The following IRAK3 variants were observed in gnomAD, a reference collection of about 807,000 sequenced individuals.
The protein encoded by IRAK3 is interleukin-1 receptor-associated kinase 3.
In IRAK3, 57 loss-of-function variants were observed where a neutral mutation model predicts 56.6. The observed-to-expected ratio is 1.01, with a 90% CI of 0.81 to 1.26. IRAK3 has a LOEUF of 1.26. Among genes scored for constraint, IRAK3 ranks in the 50% most tolerant of loss-of-function variants. The probability of loss-of-function intolerance (pLI) is 0.00; values close to 1 mark genes in which losing one functional copy is unlikely to be tolerated. For missense variants in IRAK3, 703 were observed against 719.0 expected, an observed-to-expected ratio of 0.98 and a Z score of 0.25; for synonymous variants, 258 against 255.7, an observed-to-expected ratio of 1.01 and a Z score of -0.09.
At position 66,239,786 on chromosome 12, in the gene IRAK3, C is replaced by T. The variant is rs368911283; in HGVS notation, c.888-4700C>T. The stretch of plus-strand genomic sequence containing the variant: ...TAAATATGACATAAATTAAAATTTC[C>T]CCTATTAATTCTATTTGCCACCACT... On this transcript the variant is annotated intron_variant, in intron 8 of 11. Transcript: ENST00000261233. Among the ~76,000 whole-genome samples, 27 of 152,168 alleles carry T rather than the reference C, an allele frequency of 1.8e-4. No homozygotes were observed. The South Asian group carries it at 4.4e-3, about 25-fold the overall frequency.
At chr12:66,196,906 G>A in intron 1 of IRAK3, 1 of 1,526,816 alleles carries the variant, frequency 6.5e-7, no homozygotes, top group Non-Finnish European at 8.7e-7. Flanking sequence ...TTGTGAGAAT[G>A]GAGTCTTAAT....
Position 66,234,507 on chromosome 12 carries a change from T to C in IRAK3, c.887+6137T>C, listed in dbSNP as rs1393554953. 9 of 1,611,764 alleles carry C rather than the reference T, an allele frequency of 5.6e-6. No homozygotes were observed. In the East Asian group the frequency reaches 1.3e-4, roughly 24 times the overall value. ...TAAAATCCGTTTTGTATAGCAGCTGTAGTTGGGTCGTAAGTAAGTGTCATT... is the reference window on the plus strand; with the variant it reads ...TAAAATCCGTTTTGTATAGCAGCTGCAGTTGGGTCGTAAGTAAGTGTCATT... On this transcript the variant is annotated intron_variant, in intron 8 of 11. Coordinates refer to ENST00000261233, the MANE Select transcript of IRAK3 (RefSeq NM_007199.3).
chr12:66,228,927 A>C (rs777935929), intron 8 of IRAK3, among the ~76,000 whole-genome samples: 3 of 152,188 alleles, frequency 2.0e-5, no homozygotes, highest in Non-Finnish European at 2.9e-5. Flanking sequence ...AGGTGTATTA[A>C]ATGCATTTTC....
intron 1 of IRAK3, chr12:66,197,674 T>C (rs940073276): frequency 4.1e-6 from 4 of 985,254 alleles, no homozygotes; most frequent in Non-Finnish European, 3.6e-6. Flanking sequence ...TTAGAAAAAA[T>C]GCCTTTGTCT....
At position 66,210,179 on chromosome 12, in the gene IRAK3, T is replaced by C. The variant is rs747627142; in HGVS notation, c.414T>C (p.Leu138=). The C allele has an allele frequency of 3.1e-6, 5 of 1,603,180 alleles. No individual in the cohort carries two copies. The highest frequency in any genetic ancestry group is 2.2e-5 in the East Asian group (1 of 44,756). Residue 138 remains leucine (L), a synonymous_variant, in exon 4 of 12, where the codon CTT becomes CTC. Coordinates refer to ENST00000261233, the MANE Select transcript of IRAK3 (RefSeq NM_007199.3). ...CCAATGTCACCGTGGATAATGTTCT[T>C]ATTCCTGAACATAATGAAAAAGGTA... ...ETANVTVDNV[L]IPEHNEKGIL...
chr12:66,245,379 C>A lies in IRAK3; in HGVS notation c.1314+117C>A. ...TTAATGAGACAAATCCAGCCTCCAA[C>A]AGAGAATTCCAACATAATAGTGTTT... On this transcript the variant is annotated intron_variant, in intron 11 of 11. Transcript: ENST00000261233. 2.8e-6 allele frequency: 3 copies of A among 1,063,684 alleles called. No individual in the cohort carries two copies. In the South Asian group the frequency reaches 4.0e-5, roughly 14 times the overall value. 65.9% of individuals were successfully genotyped at this position (1,063,684 alleles called of 1,614,324 possible).
chr12:66,205,547 A>C (rs7954356), intron 2 of IRAK3, among the ~76,000 whole-genome samples: 51 of 152,348 alleles, frequency 3.3e-4, no homozygotes, highest in African/African-American at 1.2e-3. Context: ...TGTTGGAAGC[A>C]TAAGTGTAGC....
intron 6 of IRAK3, among the ~76,000 whole-genome samples, chr12:66,226,318 G>T (rs1419431068): frequency 6.6e-6 from 1 of 151,370 alleles, no homozygotes; most frequent in African/African-American, 2.4e-5. Flanking sequence ...CTTGGCTCAC[G>T]GCAACCTCCG....
Position 66,244,366 on chromosome 12 carries a change from C to T in IRAK3, c.888-120C>T, listed in dbSNP as rs1347702429. ...CTCCAGTTCATGGAAATTTGTTTGG[C>T]TTTATTTTGACAGTGTTTCGAATTA... is the stretch of plus-strand genomic sequence containing the variant. On this transcript the variant is annotated intron_variant, in intron 8 of 11. Transcript: ENST00000261233. 5.5e-6 allele frequency: 4 copies of T among 733,088 alleles called. No homozygotes were observed. In the Admixed American group the frequency reaches 9.0e-5, roughly 17 times the overall value. The allele number at this position is 733,088 out of a possible 1,614,324, so 45.4% of individuals were successfully genotyped here.
At chr12:66,216,823 A>G (rs945439826) in intron 5 of IRAK3, among the ~76,000 whole-genome samples, 1 of 152,214 alleles carries the variant, frequency 6.6e-6, no homozygotes, top group African/African-American at 2.4e-5. Context: ...CACAAGTTGG[A>G]TTCTTTATAA....
At chr12:66,220,772 G>A (rs112696694) in intron 6 of IRAK3, among the ~76,000 whole-genome samples, 11,215 of 151,762 alleles carry the variant, frequency 0.074, 513 homozygotes, top group African/African-American at 0.13. Flanking sequence ...CGCCCGCCTC[G>A]GCCTCCCAAA....
intron 1 of IRAK3, among the ~76,000 whole-genome samples, chr12:66,190,587 G>T (rs561365867): frequency 7.9e-5 from 12 of 152,288 alleles, no homozygotes; most frequent in Middle Eastern, 3.4e-3. Flanking sequence ...GGTGAATGGG[G>T]CCAGGTGGGT....
intron 8 of IRAK3, among the ~76,000 whole-genome samples, chr12:66,237,136 GTCTCTTACCTCATCT>G (rs1425207935): frequency 2.6e-5 from 4 of 152,108 alleles, no homozygotes; most frequent in African/African-American, 9.7e-5. Flanking sequence ...CTGAGGCTCA[GTCTCTTACCTCATCT>G]GGAACTGGGG....
At position 66,245,131 on chromosome 12, in the gene IRAK3, G is replaced by T. The variant is rs878901559; in HGVS notation, c.1183G>T (p.Gly395Cys). Reference protein sequence around the residue: ...DLLRELMEKRGLDSCLSFLDK... With the variant: ...DLLRELMEKRCLDSCLSFLDK... ...CCTTAGAGAATTGATGGAGAAGAGAGGCCTGGATTCATGTCTCTCATTTCT... is the reference window on the plus strand; with the variant it reads ...CCTTAGAGAATTGATGGAGAAGAGATGCCTGGATTCATGTCTCTCATTTCT... The change falls in exon 11 of 12, where the codon GGC becomes TGC. Residue 395 changes from glycine (G) to cysteine (C), a missense_variant. Physicochemically the swap from Gly to Cys is radical, Grantham distance 159. Transcript: ENST00000261233. The T allele has an allele frequency of 6.2e-7, 1 of 1,614,126 alleles. No individual in the cohort carries two copies. The highest frequency in any genetic ancestry group is 1.3e-5 in the African/African-American group (1 of 75,016).
chr12:66,193,329 A>G (rs1193531382), intron 1 of IRAK3, among the ~76,000 whole-genome samples: 1 of 152,070 alleles, frequency 6.6e-6, no homozygotes, highest in African/African-American at 2.4e-5. Context: ...TATTTTTTTA[A>G]GAACAGTTTT....
intron 1 of IRAK3, among the ~76,000 whole-genome samples, chr12:66,202,829 G>GA (rs74548918): frequency 1.3e-3 from 172 of 136,342 alleles, no homozygotes; most frequent in East Asian, 5.5e-3. Context: ...AAAATAAAAG[G>GA]AAAAAAAAAA....
At chr12:66,226,400 C>T (rs1565807128) in intron 6 of IRAK3, among the ~76,000 whole-genome samples, 1 of 152,014 alleles carries the variant, frequency 6.6e-6, no homozygotes, top group African/African-American at 2.4e-5. Flanking sequence ...CACCACCATG[C>T]CCAGCTAATT....
chr12:66,254,204 G>A lies in IRAK3; in HGVS notation c.*6033G>A, dbSNP rs886724032. 12 of 152,108 alleles carry A rather than the reference G, an allele frequency of 7.9e-5. No homozygotes were observed. Among genetic ancestry groups the A allele is most frequent in the Non-Finnish European group, 1.3e-4 (9 of 68,002 alleles). 9.4% of individuals were successfully genotyped at this position (152,108 alleles called of 1,614,324 possible). On this transcript the variant is annotated 3_prime_UTR_variant, in exon 12 of 12. Coordinates refer to ENST00000261233, the MANE Select transcript of IRAK3 (RefSeq NM_007199.3). ...TAGGAATTTATCCTAATGAATAAAAGTTGTCCAAGTCTTCAAACATGAGCC... is the reference window on the plus strand; with the variant it reads ...TAGGAATTTATCCTAATGAATAAAAATTGTCCAAGTCTTCAAACATGAGCC...
chr12:66,234,489 C>G, intron 8 of IRAK3: 1 of 1,611,686 alleles, frequency 6.2e-7, no homozygotes, highest in South Asian at 1.1e-5. Context: ...GGATAAAATC[C>G]GTTTTGTATA....
Sources: gnomAD v4.1 joint callset for allele counts (sites outside exome capture counted in the v4.1 genomes callset) on GRCh38, gnomAD v4.1.1 for gene constraint, MANE v1.5 for transcripts, NCBI Gene and HGNC (gene_info 2026-07-23, HGNC 2026-07-21) for gene names.